The following UGT1A10 variants were observed in gnomAD, a reference collection of about 807,000 sequenced individuals.
UGT1A10 encodes the protein UDP glucuronosyltransferase family 1 member A10.
In UGT1A10, 49 loss-of-function variants were observed where a neutral mutation model predicts 45.8. The observed-to-expected ratio is 1.07, with a 90% CI of 0.85 to 1.36. The LOEUF (loss-of-function observed/expected upper bound fraction) is 1.36, where lower values mean the gene tolerates loss of function less well. Among genes scored for constraint, UGT1A10 ranks in the 40% most tolerant of loss-of-function variants. The pLI, the probability that UGT1A10 is intolerant of heterozygous loss-of-function variation, is 0.00. For synonymous variants in UGT1A10, 284 were observed against 249.7 expected (o/e 1.14, Z -1.29); for missense variants, 745 against 668.6 (o/e 1.11, Z -1.26).
intron 1 of UGT1A10, chr2:233,648,509 G>A: frequency 6.3e-6 from 1 of 157,682 alleles, no homozygotes; most frequent in South Asian, 2.0e-4. Context: ...CACCCAGGCT[G>A]GAGTGCAGTG....
intron 1 of UGT1A10, chr2:233,729,128 T>C (rs765683446): frequency 2.4e-5 from 38 of 1,613,072 alleles, no homozygotes; most frequent in Non-Finnish European, 3.1e-5. Context: ...TCTGCTGAGA[T>C]GGCCACAGGA....
chr2:233,718,965 C>T (rs182680267), intron 1 of UGT1A10: 112 of 1,614,172 alleles, frequency 6.9e-5, no homozygotes, highest in African/African-American at 6.7e-4. Flanking sequence ...GGAGGCCTTG[C>T]GGGAGCTCCA....
At chr2:233,666,588 A>G (rs1445905135) in intron 1 of UGT1A10, among the ~76,000 whole-genome samples, 2 of 151,052 alleles carry the variant, frequency 1.3e-5, no homozygotes, top group Non-Finnish European at 3.0e-5. Context: ...ATCCTTTACC[A>G]GTCTGTAGAT....
At chr2:233,677,764 T>C (rs1238531469) in intron 1 of UGT1A10, among the ~76,000 whole-genome samples, 1 of 152,036 alleles carries the variant, frequency 6.6e-6, no homozygotes, top group Non-Finnish European at 1.5e-5. Flanking sequence ...TGGGAAGTAG[T>C]TTGGAGATTT....
At chr2:233,681,858 G>A (rs1217681424) in intron 1 of UGT1A10, 1 of 1,526,910 alleles carries the variant, frequency 6.5e-7, no homozygotes, top group Non-Finnish European at 8.8e-7. Flanking sequence ...TTTGAGGGCA[G>A]GTTCTATCTG....
chr2:233,745,600 C>G (rs1179957536), intron 1 of UGT1A10, among the ~76,000 whole-genome samples: 2 of 151,524 alleles, frequency 1.3e-5, no homozygotes, highest in African/African-American at 4.9e-5. Context: ...GGACTTGGCA[C>G]TTGGTAAGCA....
intron 1 of UGT1A10, among the ~76,000 whole-genome samples, chr2:233,679,990 CTT>C (rs1164578554): frequency 1.3e-5 from 2 of 152,116 alleles, no homozygotes; most frequent in Non-Finnish European, 2.9e-5. Flanking sequence ...CTTCATGAAT[CTT>C]TTCTTCTCTT....
At chr2:233,753,902 T>C (rs1695339006) in intron 1 of UGT1A10, among the ~76,000 whole-genome samples, 1 of 152,224 alleles carries the variant, frequency 6.6e-6, no homozygotes, top group African/African-American at 2.4e-5. Context: ...AACATGCTTC[T>C]TACACCGATT....
intron 1 of UGT1A10, among the ~76,000 whole-genome samples, chr2:233,765,833 T>G (rs532731627): frequency 6.6e-6 from 1 of 152,182 alleles, no homozygotes; most frequent in Admixed American, 6.5e-5. Flanking sequence ...ACAGGAAAAC[T>G]TTCCTTGTCC....
intron 1 of UGT1A10, among the ~76,000 whole-genome samples, chr2:233,654,539 A>T (rs746038725): frequency 2.6e-5 from 4 of 152,252 alleles, no homozygotes; most frequent in African/African-American, 7.2e-5. Flanking sequence ...GCAGTTGATT[A>T]TATATTCATA....
chr2:233,718,602 C>T (rs3732219), intron 1 of UGT1A10, among the ~76,000 whole-genome samples: 15,139 of 152,232 alleles, frequency 0.099, 881 homozygotes, highest in East Asian at 0.2. Flanking sequence ...GTCAGATGAG[C>T]TTTTCAAGAT....
At chr2:233,693,135 A>G (rs879171045) in intron 1 of UGT1A10, 1 of 1,614,148 alleles carries the variant, frequency 6.2e-7, no homozygotes, top group South Asian at 1.1e-5. Flanking sequence ...AGTATGAAGG[A>G]TATAGTTGAG....
At chr2:233,747,328 A>C in intron 1 of UGT1A10, 1 of 1,603,802 alleles carries the variant, frequency 6.2e-7, no homozygotes, top group African/African-American at 1.3e-5. Flanking sequence ...CATTGATGGC[A>C]GCCACTGGCT....
chr2:233,767,313 T>G, intron 2 of UGT1A10, 148 bp downstream of exon 2: 1 of 1,512,132 alleles, frequency 6.6e-7, no homozygotes, highest in Non-Finnish European at 8.8e-7. Flanking sequence ...AGGTTTTTTT[T>G]GTTGTTGTGG....
rs570257028 is a variant in UGT1A10, at chr2:233,711,809, T to C, written c.856-55225T>C. Among the ~76,000 whole-genome samples the C allele has an allele frequency of 2.0e-5, 3 of 152,276 alleles. No individual in the cohort carries two copies. The South Asian group carries it at 6.2e-4, about 32-fold the overall frequency. On this transcript the variant is annotated intron_variant, in intron 1 of 4. Transcript: ENST00000344644. ...CAGCCCAGAGAGCCTGCCCACATCA[T>C]CCTGGGGCGACCAGGACAAGGAGGC...
rs371763780 is a variant in UGT1A10 at position 233,751,446 on chromosome 2, A to G, written c.856-15588A>G. Among the ~76,000 whole-genome samples, 1,356 of 152,090 alleles carry G rather than the reference A, an allele frequency of 8.9e-3. 29 individuals are homozygous for G. Among genetic ancestry groups the G allele is most frequent in the African/African-American group, 0.031 (1,276 of 41,348 alleles). On this transcript the variant is annotated intron_variant, in intron 1 of 4. Transcript: ENST00000344644. Reference sequence around the variant, plus strand: ...TGCTGAAATGAGTTAAGACTTTGGAAGATTGTTGGGAAGGCACGATTGGTT... The same window carrying G: ...TGCTGAAATGAGTTAAGACTTTGGAGGATTGTTGGGAAGGCACGATTGGTT...
intron 4 of UGT1A10, chr2:233,771,470 T>C (rs1389058308): frequency 2.0e-5 from 3 of 152,260 alleles, no homozygotes; most frequent in African/African-American, 7.2e-5. Context: ...TCATGCTAAA[T>C]CTAGCACCCA....
At chr2:233,739,292 G>A (rs907438916) in intron 1 of UGT1A10, among the ~76,000 whole-genome samples, 2 of 152,186 alleles carry the variant, frequency 1.3e-5, no homozygotes, top group African/African-American at 4.8e-5. Flanking sequence ...AGTCTCCACT[G>A]GGGCACTGCC....
Position 233,772,475 on chromosome 2 carries a change from C to T in UGT1A10, c.1509C>T (p.Thr503=), listed in dbSNP as rs190427553. ...TCGTGCTGACAGTGGCCTTCATCAC[C>T]TTTAAATGTTGTGCTTATGGCTACC... ...LAVVLTVAFI[T]FKCCAYGYRK... is the part of the protein sequence containing the mutation. The change falls in exon 5 of 5, where the codon ACC becomes ACT. Residue 503 remains threonine (T), a synonymous_variant. Transcript: ENST00000344644. 20 of 1,614,018 alleles carry T rather than the reference C, an allele frequency of 1.2e-5. No individual in the cohort carries two copies. The highest frequency in any genetic ancestry group is 5.3e-5 in the African/African-American group (4 of 74,894).
Sources: allele counts gnomAD v4.1 joint callset (sites outside exome capture counted in the v4.1 genomes callset), GRCh38; gene constraint gnomAD v4.1.1; transcripts MANE v1.5; gene names NCBI Gene and HGNC (gene_info 2026-07-23, HGNC 2026-07-21).